The following NRXN2 variants were observed in gnomAD, a reference collection of about 807,000 sequenced individuals.
NRXN2 encodes the protein neurexin 2.
In NRXN2, 29 loss-of-function variants were observed where a neutral mutation model predicts 128.8. The ratio of observed to expected loss-of-function variants is 0.23; its 90% CI spans 0.17 to 0.31. The LOEUF is 0.31. Ranked by LOEUF, NRXN2 falls within the 10% of genes least tolerant of loss-of-function variation. The pLI is 1.00. For synonymous variants in NRXN2, 1,098 were observed against 1,075.2 expected (o/e 1.02, Z -0.41); for missense variants, 1,881 against 2,452.6 (o/e 0.77, Z 4.92).
intron 2 of NRXN2, among the ~76,000 whole-genome samples, chr11:64,704,623 C>CACACACAGAGAGAAAG (rs1336665936): frequency 1.2e-5 from 1 of 81,178 alleles, no homozygotes; most frequent in South Asian, 5.7e-4. Flanking sequence ...CACACACACA[C>CACACACAGAGAGAAAG]AGAGAGAGAG....
rs1211752240 is a variant in NRXN2, at chr11:64,623,273, C to T, written c.3848-195G>A. On this transcript the variant is annotated intron_variant, in intron 20 of 22. Transcript: ENST00000265459. The surrounding 1 kb of genome is among the most constrained non-coding windows in gnomAD (Gnocchi z 4.9). ...AGTCCTTGTCAGCCACAGCCCCTAG[C>T]CCAGCCAGGTGGGGACCCCAGAAGG... 5.9e-6 allele frequency: 6 copies of T among 1,014,250 alleles called. No homozygotes were observed. The highest frequency in any genetic ancestry group is 8.4e-6 in the Non-Finnish European group (6 of 717,040). The allele number at this position is 1,014,250 out of a possible 1,614,324, so 62.8% of individuals were successfully genotyped here.
At chr11:64,626,384 G>C in intron 20 of NRXN2, 79 bp downstream of exon 20, 1 of 1,188,896 alleles carries the variant, frequency 8.4e-7, no homozygotes, top group African/African-American at 1.5e-5. Context: ...AAGGCACGGA[G>C]GGGGAAAGAG....
At chr11:64,650,790 C>T in intron 14 of NRXN2, 152 bp from the exon 15 acceptor site, 1 of 681,956 alleles carries the variant, frequency 1.5e-6, no homozygotes, top group Admixed American at 2.2e-5. Context: ...AAACCAATGG[C>T]AAGAGGGCTA....
chr11:64,634,978 C>T (rs1025618904), intron 18 of NRXN2, among the ~76,000 whole-genome samples: 4 of 152,148 alleles, frequency 2.6e-5, no homozygotes, highest in Admixed American at 1.3e-4. Flanking sequence ...CCCAAAGAGG[C>T]CCTTGACTAC....
rs1449966375 is a variant in NRXN2, at chr11:64,713,648, G to A, written c.52C>T (p.Leu18=). 8.2e-7 allele frequency: 1 copy of A among 1,224,586 alleles called. No homozygotes were observed. The highest frequency in any genetic ancestry group is 3.0e-5 in the South Asian group (1 of 33,424). 75.9% of individuals were successfully genotyped at this position (1,224,586 alleles called of 1,614,324 possible). The change falls in exon 2 of 23, where the codon CTG becomes TTG. Residue 18 remains leucine (L), a synonymous_variant. Coordinates refer to ENST00000265459, the MANE Select transcript of NRXN2 (RefSeq NM_015080.4). ...RPTPPPLLLL[L]LLALAARADG... ...GCGCGCGCCGCCAGCGCCAGCAGCA[G>A]CAGCAACAGCAGCGGCGGCGGTGTC...
chr11:64,618,521 T>A (rs1711753413), intron 22 of NRXN2, among the ~76,000 whole-genome samples: 2 of 152,152 alleles, frequency 1.3e-5, no homozygotes, highest in Non-Finnish European at 2.9e-5. Flanking sequence ...CACAGCCACT[T>A]CCAGCAGGCC....
At chr11:64,658,550 A>C (rs2048584337) in intron 11 of NRXN2, among the ~76,000 whole-genome samples, 1 of 152,210 alleles carries the variant, frequency 6.6e-6, no homozygotes, top group East Asian at 1.9e-4. Context: ...CCCCACCTCC[A>C]GTCCCCACCT....
chr11:64,716,207 G>T (rs930951223), intron 1 of NRXN2, among the ~76,000 whole-genome samples: 3 of 152,176 alleles, frequency 2.0e-5, no homozygotes, highest in Non-Finnish European at 4.4e-5. Flanking sequence ...ATTAGCTATC[G>T]ATTTCCGCTG....
rs1410513100 is a variant in NRXN2, at chr11:64,622,131, T to G, written c.4173+622A>C. On this transcript the variant is annotated intron_variant, in intron 21 of 22. Transcript: ENST00000265459. This position sits in a 1 kb window ranked among gnomAD's most constrained non-coding sequence, Gnocchi z 4.3. ...GCACAGACGGAGAGGACACTGAAGCTGCCTGAGTTGTGGTGCCTGCTCATA... is the reference window on the plus strand; with the variant it reads ...GCACAGACGGAGAGGACACTGAAGCGGCCTGAGTTGTGGTGCCTGCTCATA... 6.6e-6 allele frequency among the ~76,000 whole-genome samples: 1 copy of G among 152,224 alleles called. No individual in the cohort carries two copies. The highest frequency in any genetic ancestry group is 1.5e-5 in the Non-Finnish European group (1 of 68,026).
Position 64,608,079 on chromosome 11 carries a change from C to T in NRXN2, c.4256G>A (p.Gly1419Glu), listed in dbSNP as rs931760241. Reference sequence around the variant, plus strand: ...CGTGATAATGGGCAATATTAACTCTCCTCCTAGAACAAGAGAGAGAAGAGA... The same window carrying T: ...CGTGATAATGGGCAATATTAACTCTTCTCCTAGAACAAGAGAGAGAAGAGA... ...DLEECEPSTGGELILPIITED... is the reference protein window; with the variant it reads ...DLEECEPSTGEELILPIITED... Residue 1419 changes from glycine (G) to glutamate (E), a missense_variant, in exon 23 of 23, where the codon GGA becomes GAA. Around this residue, in one of 7 missense-constraint regions of NRXN2, gnomAD observed 310 missense variants for 318.2 expected, o/e 0.97. Transcript: ENST00000265459. 18 of 1,584,878 alleles carry T rather than the reference C, an allele frequency of 1.1e-5. No homozygotes were observed. Among genetic ancestry groups the T allele is most frequent in the Non-Finnish European group, 1.3e-5 (15 of 1,173,656 alleles).
At chr11:64,650,756 G>A in intron 14 of NRXN2, 118 bp from the exon 15 acceptor site, 1 of 992,098 alleles carries the variant, frequency 1.0e-6, no homozygotes, top group Admixed American at 1.9e-5. Flanking sequence ...GGATTGAAAG[G>A]GAGACCCCAG....
intron 22 of NRXN2, among the ~76,000 whole-genome samples, chr11:64,610,605 A>T (rs1030971742): frequency 2.0e-5 from 3 of 152,054 alleles, no homozygotes; most frequent in African/African-American, 4.8e-5. Context: ...CAGTTTCCTC[A>T]TCTATAAAAC....
At chr11:64,710,034 A>G (rs1300868631) in intron 2 of NRXN2, among the ~76,000 whole-genome samples, 1 of 151,328 alleles carries the variant, frequency 6.6e-6, no homozygotes, top group Non-Finnish European at 1.5e-5. Context: ...CAGCTTCCCA[A>G]GCAGTGGGGA....
rs1189589835 is a variant in NRXN2, at chr11:64,713,711, CCCCGGCCCCG to C, written c.-22_-13del. ...CTCCCGGACGCCATGCCTACGGCGG[CCCCGGCCCCG>C]CCCGGCCCCCGGCCCCCGCTCAGGC... On this transcript the variant is annotated 5_prime_UTR_variant, in exon 2 of 23. Coordinates refer to ENST00000265459, the MANE Select transcript of NRXN2 (RefSeq NM_015080.4). 3.0e-5 allele frequency: 32 copies of C among 1,065,820 alleles called. No homozygotes were observed. Among genetic ancestry groups the C allele is most frequent in the Admixed American group, 1.1e-4 (2 of 18,652 alleles). 66.0% of individuals were successfully genotyped at this position (1,065,820 alleles called of 1,614,324 possible).
At chr11:64,647,901 C>T (rs1258040206) in intron 17 of NRXN2, among the ~76,000 whole-genome samples, 1 of 152,242 alleles carries the variant, frequency 6.6e-6, no homozygotes, top group Non-Finnish European at 1.5e-5. Flanking sequence ...GCAGCAAGTT[C>T]ACCCCACTAA....
intron 2 of NRXN2, among the ~76,000 whole-genome samples, chr11:64,699,750 T>C (rs2055069406): frequency 1.3e-5 from 2 of 152,088 alleles, no homozygotes; most frequent in Admixed American, 1.3e-4. Flanking sequence ...ATTTCATTTA[T>C]GGGGGGAGCT....
At chr11:64,640,967 A>G (rs1222317661) in intron 17 of NRXN2, among the ~76,000 whole-genome samples, 1 of 152,072 alleles carries the variant, frequency 6.6e-6, no homozygotes, top group Non-Finnish European at 1.5e-5. Context: ...AAAATGGAGT[A>G]AAGAATAAGA....
chr11:64,712,756 A>C, intron 2 of NRXN2: 1 of 676,242 alleles, frequency 1.5e-6, no homozygotes, highest in Admixed American at 2.1e-5. Context: ...GACCACGCCC[A>C]AGCCGGCCCC....
intron 4 of NRXN2, among the ~76,000 whole-genome samples, chr11:64,692,180 T>G (rs982217913): frequency 1.3e-5 from 2 of 152,202 alleles, no homozygotes; most frequent in African/African-American, 4.8e-5. Context: ...AACAAGTCAT[T>G]TCATCTCTCT....
Sources: gnomAD v4.1 joint callset for allele counts (sites outside exome capture counted in the v4.1 genomes callset) on GRCh38, gnomAD v4.1.1 for gene constraint, gnomAD v4.1.1 regional missense constraint, Gnocchi (gnomAD v3.1) non-coding constraint, MANE v1.5 for transcripts, NCBI Gene and HGNC (gene_info 2026-07-23, HGNC 2026-07-21) for gene names.